Variants in SFMBT1 observed in about 807,000 individuals in gnomAD.
SFMBT1 encodes Scm like with four mbt domains 1, also known as scm-like with four MBT domains protein 1.
SFMBT1 carries 32 observed loss-of-function variants against 108.7 expected under a neutral mutation model. The observed-to-expected ratio is 0.29, with a 90% CI of 0.22 to 0.40. SFMBT1 has a LOEUF of 0.40. Ranked by LOEUF, SFMBT1 falls within the 10% of genes least tolerant of loss-of-function variation. The probability of loss-of-function intolerance (pLI) is 1.00; values close to 1 mark genes in which losing one functional copy is unlikely to be tolerated. For missense variants in SFMBT1, 816 were observed against 1,059.6 expected (o/e 0.77, Z 3.19); for synonymous variants, 348 against 369.5 (o/e 0.94, Z 0.67).
chr3:52,919,823 G>T (rs1702466027), intron 12 of SFMBT1, among the ~76,000 whole-genome samples: 1 of 152,306 alleles, frequency 6.6e-6, no homozygotes, highest in East Asian at 1.9e-4. Context: ...CAGGCCCTCA[G>T]TCCAAGAGCC....
chr3:53,030,127 A>G (rs1400400078), intron 1 of SFMBT1, among the ~76,000 whole-genome samples: 2 of 152,206 alleles, frequency 1.3e-5, no homozygotes, highest in African/African-American at 4.8e-5. Context: ...ACAAATAAAT[A>G]TGGTGCATCC....
chr3:53,006,848 T>C (rs1698761771), intron 1 of SFMBT1, among the ~76,000 whole-genome samples: 1 of 152,214 alleles, frequency 6.6e-6, no homozygotes, highest in Non-Finnish European at 1.5e-5. Context: ...CAGAACAATT[T>C]GTAAAGTAGA....
chr3:53,008,862 C>T (rs1465077219), intron 1 of SFMBT1, among the ~76,000 whole-genome samples: 1 of 151,994 alleles, frequency 6.6e-6, no homozygotes, highest in Non-Finnish European at 1.5e-5. Flanking sequence ...GTCTCCATCT[C>T]CTGACCTCAT....
chr3:52,917,155 C>T (rs1285807413), intron 13 of SFMBT1, among the ~76,000 whole-genome samples: 1 of 152,116 alleles, frequency 6.6e-6, no homozygotes, highest in African/African-American at 2.4e-5. Context: ...TGTCTATGGC[C>T]TTTCTCTCCA....
intron 10 of SFMBT1, among the ~76,000 whole-genome samples, chr3:52,925,587 G>A (rs1048811451): frequency 3.3e-5 from 5 of 152,272 alleles, no homozygotes; most frequent in East Asian, 3.9e-4. Context: ...AGTTATTTCT[G>A]GGAAGGGAGA....
At chr3:52,962,636 T>C (rs1409363544) in intron 2 of SFMBT1, among the ~76,000 whole-genome samples, 2 of 151,800 alleles carry the variant, frequency 1.3e-5, no homozygotes, top group Admixed American at 6.6e-5. Flanking sequence ...TGAAACCCCA[T>C]CTCTACTAAA....
At chr3:53,017,262 G>C (rs1186300665) in intron 1 of SFMBT1, among the ~76,000 whole-genome samples, 2 of 151,996 alleles carry the variant, frequency 1.3e-5, no homozygotes, top group African/African-American at 4.8e-5. Flanking sequence ...TACTACTTTA[G>C]GTAAGAATGT....
chr3:52,941,321 C>T (rs1310196614), intron 4 of SFMBT1, among the ~76,000 whole-genome samples: 1 of 152,062 alleles, frequency 6.6e-6, no homozygotes, highest in Admixed American at 6.6e-5. Context: ...TGGCCAGGCG[C>T]GGTGGCTCAC....
At chr3:52,950,282 T>C (rs891115609) in intron 3 of SFMBT1, among the ~76,000 whole-genome samples, 1 of 152,202 alleles carries the variant, frequency 6.6e-6, no homozygotes, top group Non-Finnish European at 1.5e-5. Flanking sequence ...TTTTTAGTAG[T>C]TGCCCTAGAG....
intron 2 of SFMBT1, 52 bp from the exon 3 acceptor site, chr3:52,954,463 A>C: frequency 7.4e-7 from 1 of 1,354,712 alleles, no homozygotes; most frequent in South Asian, 1.2e-5. Flanking sequence ...AAGAAAACTC[A>C]AGGTATAAAA....
At chr3:53,019,390 G>C (rs987613653) in intron 1 of SFMBT1, among the ~76,000 whole-genome samples, 1 of 150,862 alleles carries the variant, frequency 6.6e-6, no homozygotes, top group South Asian at 2.2e-4. Flanking sequence ...TGTGTGTGGG[G>C]GGGGTATATG....
At chr3:53,044,699 A>C (rs755519918) in intron 1 of SFMBT1, among the ~76,000 whole-genome samples, 2 of 152,248 alleles carry the variant, frequency 1.3e-5, no homozygotes, top group African/African-American at 2.4e-5. Context: ...AATCCATCTT[A>C]CTTCCTTTCG....
chr3:52,920,626 C>T lies in SFMBT1; in HGVS notation c.1283G>A (p.Cys428Tyr), dbSNP rs771697556. The change falls in exon 12 of 21, where the codon TGT becomes TAT. Residue 428 changes from cysteine (C) to tyrosine (Y), a missense_variant. Cys to Tyr is a radical substitution (Grantham distance 194, BLOSUM62 -2). Around this residue, in one of 5 missense-constraint regions of SFMBT1, gnomAD observed 495 missense variants for 607.4 expected, o/e 0.81. Coordinates refer to ENST00000394752, the MANE Select transcript of SFMBT1 (RefSeq NM_016329.4). Reference protein sequence around the residue: ...LEGSKKPIPECIVSVESMDIF... With the variant: ...LEGSKKPIPEYIVSVESMDIF... Reference sequence around the variant, plus strand: ...ATCCATGGATTCCACACTCACAATACATTCAGGTATAGGCTTCTTAGAACC... The same window carrying T: ...ATCCATGGATTCCACACTCACAATATATTCAGGTATAGGCTTCTTAGAACC... The T allele has an allele frequency of 6.2e-7, 1 of 1,613,498 alleles. No homozygotes were observed. The highest frequency in any genetic ancestry group is 1.7e-5 in the Admixed American group (1 of 59,930).
chr3:52,933,499 C>G (rs1702918945), intron 5 of SFMBT1, among the ~76,000 whole-genome samples: 1 of 152,052 alleles, frequency 6.6e-6, no homozygotes, highest in South Asian at 2.1e-4. Flanking sequence ...CTCTGTGACA[C>G]TTACATATCC....
chr3:53,029,356 G>C (rs1023052813), intron 1 of SFMBT1, among the ~76,000 whole-genome samples: 1 of 152,060 alleles, frequency 6.6e-6, no homozygotes, highest in African/African-American at 2.4e-5. Context: ...TTCTTTTAAT[G>C]AAGGATAATA....
intron 1 of SFMBT1, among the ~76,000 whole-genome samples, chr3:52,979,773 T>A (rs1704645121): frequency 6.6e-6 from 1 of 152,210 alleles, no homozygotes; most frequent in South Asian, 2.1e-4. Flanking sequence ...TCAATAAATA[T>A]TTACTGAGCA....
intron 8 of SFMBT1, among the ~76,000 whole-genome samples, chr3:52,928,910 G>A (rs1702773284): frequency 1.3e-5 from 2 of 151,206 alleles, no homozygotes; most frequent in South Asian, 4.2e-4. Flanking sequence ...TCCATATATT[G>A]CCCAGGCTTG....
intron 13 of SFMBT1, among the ~76,000 whole-genome samples, chr3:52,916,617 C>T (rs974968199): frequency 4.6e-5 from 7 of 151,142 alleles, no homozygotes; most frequent in Middle Eastern, 3.4e-3. Flanking sequence ...TGCAGTGAGC[C>T]GAGATCGTGC....
At position 52,904,424 on chromosome 3, in the gene SFMBT1, T is replaced by G. The variant is rs568386448; in HGVS notation, c.*712A>C. ...ATAATGTTTTTAAGAAAGCAAACAG[T>G]TTCCCCCCCTCCAAATTCTGTCATA... On this transcript the variant is annotated 3_prime_UTR_variant, in exon 21 of 21. Transcript: ENST00000394752. The G allele has an allele frequency of 1.3e-5, 2 of 152,234 alleles. No homozygotes were observed. Among genetic ancestry groups the G allele is most frequent in the Non-Finnish European group, 2.9e-5 (2 of 68,008 alleles). 9.4% of individuals were successfully genotyped at this position (152,234 alleles called of 1,614,324 possible).
Sources: allele counts gnomAD v4.1 joint callset (sites outside exome capture counted in the v4.1 genomes callset), GRCh38; gene constraint gnomAD v4.1.1; regional missense constraint gnomAD v4.1.1; transcripts MANE v1.5; gene names NCBI Gene and HGNC (gene_info 2026-07-23, HGNC 2026-07-21).